The following TGM1 variants were observed in gnomAD, a reference collection of about 807,000 sequenced individuals.
The protein encoded by TGM1 is protein-glutamine gamma-glutamyltransferase K.
Under a neutral mutation model 88.7 loss-of-function variants are expected in TGM1, and 63 were observed. The observed-to-expected ratio is 0.71, with a 90% confidence interval of 0.58 to 0.88. The LOEUF is 0.88. Ranked by LOEUF, TGM1 falls within the 40% of genes least tolerant of loss-of-function variation. The probability of loss-of-function intolerance (pLI) is 0.00; values close to 1 mark genes in which losing one functional copy is unlikely to be tolerated. For missense variants in TGM1, 996 were observed against 1,118.0 expected, an observed-to-expected ratio of 0.89 and a Z score of 1.56; for synonymous variants, 415 against 431.1, an observed-to-expected ratio of 0.96 and a Z score of 0.46.
chr14:24,249,584 TGGAGTGG>T (rs1280537787), intron 14 of TGM1, 43 bp from the exon 15 acceptor site: 2 of 1,563,790 alleles, frequency 1.3e-6, no homozygotes, highest in Non-Finnish European at 1.8e-6. Context: ...TAATTGGGGG[TGGAGTGG>T]GGAGTAAGAG....
chr14:24,258,103 TA>T (rs1242179925), intron 9 of TGM1, among the ~76,000 whole-genome samples, 181 bp downstream of exon 9: 1 of 152,216 alleles, frequency 6.6e-6, no homozygotes, highest in Non-Finnish European at 1.5e-5. Flanking sequence ...AATAGAGAGT[TA>T]TATAGAATGG....
rs1356524486 is a variant in TGM1 at position 24,254,767 on chromosome 14, T to A, written c.1985A>T (p.Gln662Leu). The change falls in exon 13 of 15, where the codon CAG becomes CTG. Residue 662 changes from glutamine to leucine, a missense_variant. Physicochemically the swap from Gln to Leu is moderately radical, Grantham distance 113 (BLOSUM62 -2). Coordinates refer to ENST00000206765, the MANE Select transcript of TGM1 (RefSeq NM_000359.3). Reference protein sequence around the residue: ...YKEYRPHLVDQGAMLLNVSGH... With the variant: ...YKEYRPHLVDLGAMLLNVSGH... Reference sequence around the variant, plus strand: ...TGAGACATTGAGCAGCATGGCCCCCTGGTCCACAAGATGGGGCCGGTATTC... The same window carrying A: ...TGAGACATTGAGCAGCATGGCCCCCAGGTCCACAAGATGGGGCCGGTATTC... 1.2e-5 allele frequency: 20 copies of A among 1,614,018 alleles called. No homozygotes were observed. Among genetic ancestry groups the A allele is most frequent in the Non-Finnish European group, 1.7e-5 (20 of 1,180,024 alleles).
In TGM1 at chr14:24,258,585, G is replaced by A. The variant is rs1257655545; in HGVS notation, c.1248C>T (p.Tyr416=). The A allele has an allele frequency of 6.2e-7, 1 of 1,614,108 alleles. No homozygotes were observed. The highest frequency in any genetic ancestry group is 1.3e-5 in the African/African-American group (1 of 74,930). The part of the protein sequence containing the change: ...DTDTSLTMDI[Y]FDENMKPLEH... ...CCAGGGGCTTCATGTTCTCGTCGAA[G>A]TAGATGTCCATGGTAAGGGATGTGT... The change falls in exon 8 of 15, where the codon TAC becomes TAT. Residue 416 remains tyrosine, a synonymous_variant. Coordinates refer to ENST00000206765, the MANE Select transcript of TGM1 (RefSeq NM_000359.3).
Position 24,261,890 on chromosome 14 carries a change from G to C in TGM1, c.320-7C>G. 6.2e-7 allele frequency: 1 copy of C among 1,612,942 alleles called. No homozygotes were observed. Among genetic ancestry groups the C allele is most frequent in the Non-Finnish European group, 8.5e-7 (1 of 1,180,006 alleles). ...TTCACTACTAGCATGCCCTCTGCAAGGACACAGCTCCGTGTCAGTGAAGCC... is the reference window on the plus strand; with the variant it reads ...TTCACTACTAGCATGCCCTCTGCAACGACACAGCTCCGTGTCAGTGAAGCC... On this transcript the variant is annotated splice_polypyrimidine_tract_variant and splice_region_variant and intron_variant, in intron 2 of 14. Transcript: ENST00000206765.
chr14:24,261,640 G>A (rs890280407), intron 3 of TGM1, 55 bp downstream of exon 3: 7 of 1,608,170 alleles, frequency 4.4e-6, no homozygotes, highest in East Asian at 2.2e-5. Context: ...CCTAATGCCA[G>A]CCTCTCCCCA....
In TGM1 at chr14:24,259,026, C is replaced by T; in HGVS notation, c.1159+49G>A. ...GGGCTGGGTAAGCCTGGCTTTCCTC[C>T]CTTCTCCCTGTAGGGCCCGGGCCAC... On this transcript the variant is annotated intron_variant, in intron 7 of 14. Coordinates refer to ENST00000206765, the MANE Select transcript of TGM1 (RefSeq NM_000359.3). This position sits in a 1 kb window ranked among gnomAD's most constrained non-coding sequence, Gnocchi z 5.7. 1 of 1,608,936 alleles carries T rather than the reference C, an allele frequency of 6.2e-7. No homozygotes were observed. Among genetic ancestry groups the T allele is most frequent in the Non-Finnish European group, 8.5e-7 (1 of 1,177,448 alleles).
At chr14:24,258,979 G>T in intron 7 of TGM1, 96 bp downstream of exon 7, 3 of 1,448,456 alleles carry the variant, frequency 2.1e-6, no homozygotes, top group Non-Finnish European at 2.9e-6. Context: ...CCTGCACCCT[G>T]CACTGTAGCC....
chr14:24,260,586 C>A lies in TGM1; in HGVS notation c.621G>T (p.Leu207=). ...TGGCGTTGGGGGAAGTGTGGACCCG[C>A]AGGTTCAGATTCTGCCCACTGGCCT... The part of the protein sequence containing the change: ...VVKASGQNLN[L]RVHTSPNAII... The change falls in exon 4 of 15, where the codon CTG becomes CTT. Residue 207 remains leucine, a synonymous_variant. Coordinates refer to ENST00000206765, the MANE Select transcript of TGM1 (RefSeq NM_000359.3). 1.2e-6 allele frequency: 2 copies of A among 1,614,218 alleles called. No homozygotes were observed. The highest frequency in any genetic ancestry group is 1.7e-6 in the Non-Finnish European group (2 of 1,180,038).
In TGM1 at chr14:24,259,559, G is replaced by C; in HGVS notation, c.984+145C>G. ...GGCAGGCAAGGGAGAGAAGAGGAGGGAGACCCCTTCCTGAAGTATCCTTTA... is the reference window on the plus strand; with the variant it reads ...GGCAGGCAAGGGAGAGAAGAGGAGGCAGACCCCTTCCTGAAGTATCCTTTA... On this transcript the variant is annotated intron_variant, in intron 6 of 14. Transcript: ENST00000206765. The surrounding 1 kb of genome is among the most constrained non-coding windows in gnomAD (Gnocchi z 5.7). The C allele has an allele frequency of 1.3e-6, 1 of 760,482 alleles. No homozygotes were observed. The highest frequency in any genetic ancestry group is 2.0e-5 in the Admixed American group (1 of 49,764). The allele number at this position is 760,482 out of a possible 1,614,324, so 47.1% of individuals were successfully genotyped here. A position where few individuals can be genotyped will look rare whatever the true frequency, so the allele number is the denominator to read the frequency against.
rs2040778261 is a variant in TGM1, at chr14:24,258,621, G to C, written c.1212C>G (p.Ala404=). The C allele has an allele frequency of 2.5e-6, 4 of 1,614,200 alleles. No homozygotes were observed. The East Asian group carries it at 8.9e-5, about 36-fold the overall frequency. The change falls in exon 8 of 15, where the codon GCC becomes GCG. Residue 404 remains alanine, a synonymous_variant. Coordinates refer to ENST00000206765, the MANE Select transcript of TGM1 (RefSeq NM_000359.3). ...TGGTAAGGGATGTGTCTGTGTCGTGGGCGGAGTTGAAGTTGGTGACAGTAC... is the reference window on the plus strand; with the variant it reads ...TGGTAAGGGATGTGTCTGTGTCGTGCGCGGAGTTGAAGTTGGTGACAGTAC... The part of the protein sequence containing the change: ...ATRTVTNFNS[A]HDTDTSLTMD...
chr14:24,262,509 G>A (rs931146254), intron 1 of TGM1, among the ~76,000 whole-genome samples, 155 bp from the exon 2 acceptor site: 4 of 152,166 alleles, frequency 2.6e-5, no homozygotes, highest in Non-Finnish European at 5.9e-5. Context: ...GAGACCTTCC[G>A]CGAAGACCAT....
intron 7 of TGM1, 64 bp from the exon 8 acceptor site, chr14:24,258,737 G>C: frequency 1.2e-6 from 2 of 1,602,288 alleles, no homozygotes; most frequent in Non-Finnish European, 1.7e-6. Flanking sequence ...ATCGTGTCAG[G>C]AGTATCAGGG....
Position 24,259,722 on chromosome 14 carries a change from G to A in TGM1, c.966C>T (p.Ser322=). 1.9e-6 allele frequency: 3 copies of A among 1,611,710 alleles called. No individual in the cohort carries two copies. Among genetic ancestry groups the A allele is most frequent in the Non-Finnish European group, 2.5e-6 (3 of 1,179,208 alleles). ...YGGRGDPVNV[S]RVISAMVNSL... is the part of the protein sequence containing the mutation. ...TGCTCACCATGGCAGAGATGACCCG[G>A]GAGACATTGACTGGGTCTCCACGGC... The change falls in exon 6 of 15, where the codon TCC becomes TCT. Residue 322 remains serine, a synonymous_variant. Transcript: ENST00000206765. The surrounding 1 kb of genome is among the most constrained non-coding windows in gnomAD (Gnocchi z 5.7).
At position 24,259,985 on chromosome 14, in the gene TGM1, G is replaced by A. The variant is rs559847457; in HGVS notation, c.831C>T (p.Tyr277=). 2.6e-4 allele frequency: 421 copies of A among 1,614,128 alleles called. No homozygotes were observed. The highest frequency in any genetic ancestry group is 4.9e-4 in the Middle Eastern group (3 of 6,062). The stretch of plus-strand genomic sequence containing the variant: ...GCTCACCAATCTGTGCTTCGGTCCC[G>A]TAGTAAATTCTCCCAGACTCATTAA... ...YVLNESGRIY[Y]GTEAQIGERT... is the part of the protein sequence containing the mutation. The change falls in exon 5 of 15, where the codon TAC becomes TAT. Residue 277 remains tyrosine, a synonymous_variant. Coordinates refer to ENST00000206765, the MANE Select transcript of TGM1 (RefSeq NM_000359.3). The surrounding 1 kb of genome is among the most constrained non-coding windows in gnomAD (Gnocchi z 5.7).
rs1359968153 is a variant in TGM1, at chr14:24,259,286, G to A, written c.985-37C>T. The A allele has an allele frequency of 6.3e-7, 1 of 1,583,658 alleles. No homozygotes were observed. The highest frequency in any genetic ancestry group is 8.6e-7 in the Non-Finnish European group (1 of 1,163,752). ...AGGATGAGATAGGGCGGAGGTGGAGGAGGGGCTCAGGACCTGCCATGTGGT... is the reference window on the plus strand; with the variant it reads ...AGGATGAGATAGGGCGGAGGTGGAGAAGGGGCTCAGGACCTGCCATGTGGT... On this transcript the variant is annotated intron_variant, in intron 6 of 14. Coordinates refer to ENST00000206765, the MANE Select transcript of TGM1 (RefSeq NM_000359.3). This position sits in a 1 kb window ranked among gnomAD's most constrained non-coding sequence, Gnocchi z 5.7.
At position 24,255,926 on chromosome 14, in the gene TGM1, T is replaced by C; in HGVS notation, c.1491+63A>G. 1 of 1,371,202 alleles carries C rather than the reference T, an allele frequency of 7.3e-7. No homozygotes were observed. The highest frequency in any genetic ancestry group is 1.0e-6 in the Non-Finnish European group (1 of 982,764). The allele number at this position is 1,371,202 out of a possible 1,614,324, so 84.9% of individuals were successfully genotyped here. The stretch of plus-strand genomic sequence containing the variant: ...GGTCGCAGAGCTGGTCAGTCAGCGG[T>C]GAAGTTGGGACCAGAGAACCCATGA... On this transcript the variant is annotated intron_variant, in intron 10 of 14. Coordinates refer to ENST00000206765, the MANE Select transcript of TGM1 (RefSeq NM_000359.3). The surrounding 1 kb of genome is among the most constrained non-coding windows in gnomAD (Gnocchi z 4.0).
At position 24,260,048 on chromosome 14, in the gene TGM1, C is replaced by T. The variant is rs1458517318; in HGVS notation, c.768G>A (p.Val256=). Residue 256 remains valine (V), a synonymous_variant, in exon 5 of 15, where the codon GTG becomes GTA. Transcript: ENST00000206765. ...GCCGCCAATCCTCATGGTCCACGTA[C>T]ACAATGTCCTCTGTGTCCCCAGAAC... ...LFNPWCPEDI[V]YVDHEDWRQE... is the part of the protein sequence containing the mutation. The T allele has an allele frequency of 6.2e-7, 1 of 1,614,086 alleles. No homozygotes were observed. Among genetic ancestry groups the T allele is most frequent in the Non-Finnish European group, 8.5e-7 (1 of 1,179,894 alleles).
Position 24,260,010 on chromosome 14 carries a change from A to G in TGM1, c.806T>C (p.Leu269Pro). ...GTAGTAAATTCTCCCAGACTCATTA[A>G]GAACATACTCCTGCCGCCAATCCTC... is the stretch of plus-strand genomic sequence containing the variant. Reference protein sequence around the residue: ...DHEDWRQEYVLNESGRIYYGT... With the variant: ...DHEDWRQEYVPNESGRIYYGT... Residue 269 changes from leucine to proline, a missense_variant, in exon 5 of 15, where the codon CTT becomes CCT. By Grantham distance (98) the Leu-to-Pro change is moderately conservative. Transcript: ENST00000206765. 6.2e-7 allele frequency: 1 copy of G among 1,614,230 alleles called. No individual in the cohort carries two copies. The highest frequency in any genetic ancestry group is 8.5e-7 in the Non-Finnish European group (1 of 1,180,040).
At chr14:24,263,006 C>T (rs2040827675) in intron 1 of TGM1, 83 bp downstream of exon 1, 1 of 155,708 alleles carries the variant, frequency 6.4e-6, no homozygotes, top group East Asian at 1.9e-4. Context: ...TGGCCCACAC[C>T]CCACCTTGCT....
Sources: gnomAD v4.1 joint callset for allele counts (sites outside exome capture counted in the v4.1 genomes callset) on GRCh38, gnomAD v4.1.1 for gene constraint, Gnocchi (gnomAD v3.1) non-coding constraint, MANE v1.5 for transcripts, NCBI Gene and HGNC (gene_info 2026-07-23, HGNC 2026-07-21) for gene names.